Variants in CXXC5 observed in about 807,000 individuals in gnomAD.
CXXC5 encodes the protein CXXC-type zinc finger protein 5.
CXXC5 carries 2 observed loss-of-function variants against 17.6 expected under a neutral mutation model. The observed-to-expected ratio is 0.11, with a 90% CI of 0.05 to 0.36. The LOEUF is 0.36. CXXC5 is among the 10% of genes least tolerant of loss of function. The pLI, the probability that CXXC5 is intolerant of heterozygous loss-of-function variation, is 1.00. For missense variants in CXXC5, 343 were observed against 458.3 expected, an observed-to-expected ratio of 0.75 and a Z score of 2.30; for synonymous variants, 171 against 193.0, an observed-to-expected ratio of 0.89 and a Z score of 0.94.
At position 139,680,624 on chromosome 5, in the gene CXXC5, C is replaced by G; in HGVS notation, c.101C>G (p.Ala34Gly). 6.2e-7 allele frequency: 1 copy of G among 1,612,210 alleles called. No individual in the cohort carries two copies. The highest frequency in any genetic ancestry group is 8.5e-7 in the Non-Finnish European group (1 of 1,179,718). Residue 34 changes from alanine (A) to glycine (G), a missense_variant, in exon 2 of 3, where the codon GCA becomes GGA. By Grantham distance (60) the Ala-to-Gly change is moderately conservative. This residue lies in a region of CXXC5 where 297 missense variants were observed against 363.4 expected (regional missense o/e 0.82). Coordinates refer to ENST00000302517, the MANE Select transcript of CXXC5 (RefSeq NM_016463.9). ...GGCAGCAGTGGCCCAAAGGCAGGAG[C>G]AGCAGACAAGAGTGCAGTGGTGGCT... ...GSGSSGPKAG[A>G]ADKSAVVAAA...
At chr5:139,681,515 C>T in intron 2 of CXXC5, 68 bp downstream of exon 2, 1 of 1,499,132 alleles carries the variant, frequency 6.7e-7, no homozygotes, top group South Asian at 1.4e-5. Flanking sequence ...CCACCCCCAT[C>T]CCCTGACCCC....
In CXXC5 at chr5:139,651,538, A is replaced by G. The variant is rs778334372; in HGVS notation, c.-161+2693A>G. Among the ~76,000 whole-genome samples the G allele has an allele frequency of 2.3e-4, 35 of 152,200 alleles. 1 individual carries two copies. Among genetic ancestry groups the G allele is most frequent in the Admixed American group, 1.1e-3 (17 of 15,282 alleles). ...TCTGCCTGCCTCCTACTCATTTGGC[A>G]CATGTGAAACTGAGACCCATAGGAG... is the stretch of plus-strand genomic sequence containing the variant. On this transcript the variant is annotated intron_variant, in intron 1 of 2. Transcript: ENST00000302517.
At chr5:139,679,643 A>T (rs1757066504) in intron 1 of CXXC5, 1 of 152,224 alleles carries the variant, frequency 6.6e-6, no homozygotes, top group Admixed American at 6.5e-5. Context: ...AAGGAAGATT[A>T]GGATGTGGAG....
At chr5:139,682,804 C>A in intron 2 of CXXC5, 59 bp from the exon 3 acceptor site, 1 of 1,512,374 alleles carries the variant, frequency 6.6e-7, no homozygotes, top group African/African-American at 1.4e-5. Context: ...GTCTTTGCTC[C>A]AGGCCTACCC....
intron 1 of CXXC5, among the ~76,000 whole-genome samples, chr5:139,659,035 C>A (rs1755635147): frequency 6.6e-6 from 1 of 152,110 alleles, no homozygotes; most frequent in Non-Finnish European, 1.5e-5. Context: ...TGCAGTCAAC[C>A]CCTTTCAGGA....
chr5:139,666,735 G>A (rs540170473), intron 1 of CXXC5, among the ~76,000 whole-genome samples: 6 of 152,334 alleles, frequency 3.9e-5, no homozygotes, highest in East Asian at 3.9e-4. Flanking sequence ...GTGCAGGGAC[G>A]CATAACCACT....
chr5:139,672,068 T>A (rs545201619), intron 1 of CXXC5, among the ~76,000 whole-genome samples: 1 of 152,190 alleles, frequency 6.6e-6, no homozygotes, highest in Non-Finnish European at 1.5e-5. Flanking sequence ...GGACAGTGAG[T>A]GTGCATTATT....
Position 139,680,639 on chromosome 5 carries a change from C to G in CXXC5, c.116C>G (p.Ala39Gly). Residue 39 changes from alanine to glycine, a missense_variant, in exon 2 of 3, where the codon GCA becomes GGA. Coordinates refer to ENST00000302517, the MANE Select transcript of CXXC5 (RefSeq NM_016463.9). Reference sequence around the variant, plus strand: ...AAGGCAGGAGCAGCAGACAAGAGTGCAGTGGTGGCTGCCGCCGCACCAGCC... The same window carrying G: ...AAGGCAGGAGCAGCAGACAAGAGTGGAGTGGTGGCTGCCGCCGCACCAGCC... The part of the protein sequence containing the change: ...GPKAGAADKS[A>G]VVAAAAPASV... The G allele has an allele frequency of 6.2e-7, 1 of 1,612,600 alleles. No individual in the cohort carries two copies. Among genetic ancestry groups the G allele is most frequent in the Non-Finnish European group, 8.5e-7 (1 of 1,179,882 alleles).
intron 1 of CXXC5, among the ~76,000 whole-genome samples, chr5:139,652,147 G>C (rs1335671620): frequency 1.5e-5 from 2 of 136,550 alleles, no homozygotes; most frequent in African/African-American, 5.3e-5. Context: ...CCTAGCCGCC[G>C]GCGCGCGCGC....
chr5:139,661,519 C>T lies in CXXC5; in HGVS notation c.-161+12674C>T, dbSNP rs1407139023. Among the ~76,000 whole-genome samples, 1 of 152,368 alleles carries T rather than the reference C, an allele frequency of 6.6e-6. No individual in the cohort carries two copies. Among genetic ancestry groups the T allele is most frequent in the East Asian group, 1.9e-4 (1 of 5,188 alleles). On this transcript the variant is annotated intron_variant, in intron 1 of 2. Coordinates refer to ENST00000302517, the MANE Select transcript of CXXC5 (RefSeq NM_016463.9). This position sits in a 1 kb window ranked among gnomAD's most constrained non-coding sequence, Gnocchi z 4.7. ...CTCACGGTTCCAGCCACAGCCCAGC[C>T]TCTGGCACACACACCCACTGGCACG...
Position 139,681,159 on chromosome 5 carries a change from C to T in CXXC5, c.636C>T (p.Gly212=), listed in dbSNP as rs1466433289. Residue 212 remains glycine (G), a synonymous_variant, in exon 2 of 3, where the codon GGC becomes GGT. Transcript: ENST00000302517. ...LNGQSDFPYL[G]AFPINPGLFI... is the part of the protein sequence containing the mutation. Reference sequence around the variant, plus strand: ...GCCAGTCCGACTTCCCCTACCTGGGCGCTTTCCCCATCAACCCAGGCCTCT... The same window carrying T: ...GCCAGTCCGACTTCCCCTACCTGGGTGCTTTCCCCATCAACCCAGGCCTCT... 1.1e-5 allele frequency: 18 copies of T among 1,612,810 alleles called. No individual in the cohort carries two copies. The highest frequency in any genetic ancestry group is 1.7e-5 in the Admixed American group (1 of 60,008).
chr5:139,661,742 G>A lies in CXXC5; in HGVS notation c.-161+12897G>A, dbSNP rs1267914977. 1.3e-5 allele frequency among the ~76,000 whole-genome samples: 2 copies of A among 152,240 alleles called. No individual in the cohort carries two copies. Among genetic ancestry groups the A allele is most frequent in the Admixed American group, 6.5e-5 (1 of 15,286 alleles). ...AGGGCTCTGTTCCCCTAGACGCCCC[G>A]TGTTTAGGCTTACACGGAAGAGGCC... On this transcript the variant is annotated intron_variant, in intron 1 of 2. Coordinates refer to ENST00000302517, the MANE Select transcript of CXXC5 (RefSeq NM_016463.9). The surrounding 1 kb of genome is among the most constrained non-coding windows in gnomAD (Gnocchi z 4.7).
intron 1 of CXXC5, chr5:139,675,415 G>T (rs1211064741): frequency 2.6e-5 from 4 of 152,202 alleles, no homozygotes; most frequent in Non-Finnish European, 5.9e-5. Context: ...CTCACTGCCA[G>T]CTGGCATTAT....
chr5:139,667,022 G>C (rs1756148715), intron 1 of CXXC5, among the ~76,000 whole-genome samples: 1 of 152,116 alleles, frequency 6.6e-6, no homozygotes, highest in Non-Finnish European at 1.5e-5. Context: ...CAGGGGCCAG[G>C]TGGGCCCTGC....
intron 1 of CXXC5, among the ~76,000 whole-genome samples, chr5:139,655,036 C>T (rs892360319): frequency 2.0e-5 from 3 of 152,162 alleles, no homozygotes; most frequent in Admixed American, 1.3e-4. Context: ...CCGCTCCTTC[C>T]CCAGGAGGTG....
intron 1 of CXXC5, among the ~76,000 whole-genome samples, chr5:139,655,086 T>A (rs1223039089): frequency 6.6e-6 from 1 of 152,130 alleles, no homozygotes; most frequent in South Asian, 2.1e-4. Flanking sequence ...CTGGCTTTCT[T>A]GATAGGGTGG....
At chr5:139,669,084 C>T (rs1489335219) in intron 1 of CXXC5, among the ~76,000 whole-genome samples, 1 of 152,208 alleles carries the variant, frequency 6.6e-6, no homozygotes, top group African/African-American at 2.4e-5. Context: ...GAGGGCCAGG[C>T]AGGCCCTGGG....
intron 1 of CXXC5, among the ~76,000 whole-genome samples, 191 bp from the exon 2 acceptor site, chr5:139,680,173 T>A (rs975710628): frequency 1.3e-5 from 2 of 152,224 alleles, no homozygotes; most frequent in African/African-American, 4.8e-5. Context: ...CCACTGCTTC[T>A]AGAGTTCTTG....
Position 139,683,141 on chromosome 5 carries a change from C to T in CXXC5, c.*234C>T, listed in dbSNP as rs543469694. ...TTAAACTGCTTTTTCGGAAGAACAA[C>T]AACAAAAAAGAGGTAAAGACGAATC... On this transcript the variant is annotated 3_prime_UTR_variant, in exon 3 of 3. Coordinates refer to ENST00000302517, the MANE Select transcript of CXXC5 (RefSeq NM_016463.9). 2.9e-5 allele frequency: 11 copies of T among 382,170 alleles called. No homozygotes were observed. The highest frequency in any genetic ancestry group is 1.9e-4 in the African/African-American group (9 of 48,172). The allele number at this position is 382,170 out of a possible 1,614,324, so 23.7% of individuals were successfully genotyped here.
Sources: gnomAD v4.1 joint callset for allele counts (sites outside exome capture counted in the v4.1 genomes callset) on GRCh38, gnomAD v4.1.1 for gene constraint, gnomAD v4.1.1 regional missense constraint, Gnocchi (gnomAD v3.1) non-coding constraint, MANE v1.5 for transcripts, NCBI Gene and HGNC (gene_info 2026-07-23, HGNC 2026-07-21) for gene names.